Variants in AADAT observed in about 807,000 individuals in gnomAD.
The protein encoded by AADAT is aminoadipate aminotransferase.
In AADAT, 25 loss-of-function variants were observed where a neutral mutation model predicts 56.2. That is an observed-to-expected ratio of 0.44 (90% CI 0.32 to 0.62). The LOEUF (loss-of-function observed/expected upper bound fraction) is 0.62, where lower values mean the gene tolerates loss of function less well. AADAT is among the 20% of genes least tolerant of loss of function. The probability of loss-of-function intolerance (pLI) is 0.04; values close to 1 mark genes in which losing one functional copy is unlikely to be tolerated. For synonymous variants in AADAT, 173 were observed against 164.7 expected (o/e 1.05, Z -0.39); for missense variants, 387 against 510.5 (o/e 0.76, Z 2.33).
At chr4:170,089,501 AC>A in intron 1 of AADAT, 122 bp downstream of exon 1, 2 of 1,054,046 alleles carry the variant, frequency 1.9e-6, no homozygotes, top group Non-Finnish European at 2.9e-6. Context: ...AGCCTGGCTC[AC>A]CGCGAGCGTG....
chr4:170,072,322 G>C lies in AADAT; in HGVS notation c.654+814C>G, dbSNP rs577750944. 7.3e-5 allele frequency among the ~76,000 whole-genome samples: 11 copies of C among 151,680 alleles called. No individual in the cohort carries two copies. The South Asian group carries it at 2.3e-3, about 32-fold the overall frequency. ...GTGTATATATATATATATATTTAGA[G>C]TTGGGGTCTTGCTATGTTGCACAGG... is the stretch of plus-strand genomic sequence containing the variant. On this transcript the variant is annotated intron_variant, in intron 5 of 12. Transcript: ENST00000337664.
At chr4:170,073,039 G>A in intron 5 of AADAT, 97 bp downstream of exon 5, 2 of 1,159,702 alleles carry the variant, frequency 1.7e-6, no homozygotes, top group Non-Finnish European at 2.5e-6. Flanking sequence ...TTCCTTGAAA[G>A]CAAAAGGCTA....
intron 12 of AADAT, among the ~76,000 whole-genome samples, chr4:170,061,388 C>T (rs143142998): frequency 1.3e-5 from 2 of 152,158 alleles, no homozygotes; most frequent in African/African-American, 4.8e-5. Context: ...CAAAAATGTC[C>T]CTTTCCAAGG....
At chr4:170,076,179 T>C (rs2111182418) in intron 4 of AADAT, among the ~76,000 whole-genome samples, 1 of 152,340 alleles carries the variant, frequency 6.6e-6, no homozygotes, top group East Asian at 1.9e-4. Flanking sequence ...TTTCCCACAG[T>C]GGCCATACCA....
Position 170,069,232 on chromosome 4 carries a change from T to C in AADAT, c.721-2A>G, listed in dbSNP as rs1439477578. 6.2e-7 allele frequency: 1 copy of C among 1,612,770 alleles called. No individual in the cohort carries two copies. Among genetic ancestry groups the C allele is most frequent in the East Asian group, 2.2e-5 (1 of 44,826 alleles). On this transcript the variant is annotated splice_acceptor_variant, in intron 6 of 12. Coordinates refer to ENST00000337664, the MANE Select transcript of AADAT (RefSeq NM_016228.4). LOFTEE classifies it high-confidence loss of function. The stretch of plus-strand genomic sequence containing the variant: ...GGAAAGAAATGTTGGTACCCTGAAC[T>C]TAAAATGAAAAATAAAAAATACTGT...
intron 12 of AADAT, among the ~76,000 whole-genome samples, chr4:170,061,198 C>T (rs1039433232): frequency 3.3e-5 from 5 of 152,044 alleles, no homozygotes; most frequent in African/African-American, 7.2e-5. Flanking sequence ...TTGTTGTTCT[C>T]GTGGCCTTCA....
chr4:170,068,594 G>A lies in AADAT; in HGVS notation c.897C>T (p.Asn299=). Residue 299 remains asparagine, a synonymous_variant, in exon 8 of 13, where the codon AAC becomes AAT. Coordinates refer to ENST00000337664, the MANE Select transcript of AADAT (RefSeq NM_016228.4). The part of the protein sequence containing the change: ...QVSTLHPSTF[N]QLMISQLLHE... ...CGATTTCCTAAATTGTCCTTACCTG[G>A]TTAAAAGTGCTGGGGTGCAATGTTG... is the stretch of plus-strand genomic sequence containing the variant. 3 of 1,591,928 alleles carry A rather than the reference G, an allele frequency of 1.9e-6. No individual in the cohort carries two copies. The highest frequency in any genetic ancestry group is 2.6e-6 in the Non-Finnish European group (3 of 1,173,428).
At chr4:170,083,516 C>T (rs1732413046) in intron 3 of AADAT, among the ~76,000 whole-genome samples, 1 of 151,950 alleles carries the variant, frequency 6.6e-6, no homozygotes, top group Non-Finnish European at 1.5e-5. Flanking sequence ...GCGAACTACC[C>T]ATCTGACAAG....
At chr4:170,065,509 GTT>G (rs749212536) in intron 10 of AADAT, among the ~76,000 whole-genome samples, 1 of 142,604 alleles carries the variant, frequency 7.0e-6, no homozygotes, top group African/African-American at 2.5e-5. Context: ...TACTAATTCT[GTT>G]TTTTTTTTTT....
intron 3 of AADAT, among the ~76,000 whole-genome samples, chr4:170,080,343 CTAAT>C (rs1365481058): frequency 1.3e-5 from 2 of 152,156 alleles, no homozygotes; most frequent in African/African-American, 4.8e-5. Context: ...AAAACTCCCC[CTAAT>C]TCACGGCTTC....
At chr4:170,076,632 T>C (rs1401701565) in intron 4 of AADAT, among the ~76,000 whole-genome samples, 2 of 152,218 alleles carry the variant, frequency 1.3e-5, no homozygotes, top group Non-Finnish European at 1.5e-5. Context: ...GTTTATCAGA[T>C]ATATTATGAT....
upstream of AADAT, among the ~76,000 whole-genome samples, chr4:170,093,019 G>A (rs1732913478): frequency 6.6e-6 from 1 of 152,196 alleles, no homozygotes; most frequent in Non-Finnish European, 1.5e-5. Context: ...ATAAGGTGTA[G>A]ATCAAGGTAA....
chr4:170,082,082 C>T (rs1356790381), intron 3 of AADAT, among the ~76,000 whole-genome samples: 2 of 152,048 alleles, frequency 1.3e-5, no homozygotes, highest in African/African-American at 2.4e-5. Flanking sequence ...GTAAAAAATA[C>T]AGTGGTAAAA....
At chr4:170,069,379 A>C (rs557303533) in intron 6 of AADAT, 149 bp from the exon 7 acceptor site, 6 of 599,596 alleles carry the variant, frequency 1.0e-5, no homozygotes, top group Non-Finnish European at 1.7e-5. Context: ...TTAACATGGA[A>C]TAACAAACAA....
intron 5 of AADAT, among the ~76,000 whole-genome samples, chr4:170,071,855 C>G (rs149901155): frequency 2.0e-5 from 3 of 151,794 alleles, no homozygotes; most frequent in Non-Finnish European, 4.4e-5. Context: ...GGATGGGGGG[C>G]AAAGGAGGGA....
intron 11 of AADAT, among the ~76,000 whole-genome samples, chr4:170,062,395 G>A (rs1252613989): frequency 6.6e-6 from 1 of 151,990 alleles, no homozygotes; most frequent in Non-Finnish European, 1.5e-5. Flanking sequence ...TTTAAGCTGG[G>A]GCCTGAAAGA....
intron 4 of AADAT, among the ~76,000 whole-genome samples, chr4:170,074,889 TAAG>T (rs1006476339): frequency 6.6e-6 from 1 of 152,152 alleles, no homozygotes; most frequent in African/African-American, 2.4e-5. Context: ...AAAAGGAACT[TAAG>T]AAATAATAAT....
chr4:170,074,873 G>C (rs1358966163), intron 4 of AADAT, among the ~76,000 whole-genome samples: 1 of 148,514 alleles, frequency 6.7e-6, no homozygotes, highest in Non-Finnish European at 1.5e-5. Context: ...GCATTAAAAA[G>C]AAAAAAAAAG....
chr4:170,092,160 C>G (rs1325840189), upstream of AADAT, among the ~76,000 whole-genome samples: 2 of 152,230 alleles, frequency 1.3e-5, no homozygotes, highest in Non-Finnish European at 2.9e-5. Flanking sequence ...GCCTCAGCCA[C>G]CAGCGGTAAC....
Sources: gnomAD v4.1 joint callset for allele counts (sites outside exome capture counted in the v4.1 genomes callset) on GRCh38, gnomAD v4.1.1 for gene constraint, MANE v1.5 for transcripts, NCBI Gene and HGNC (gene_info 2026-07-23, HGNC 2026-07-21) for gene names.